DNAH6: variants seen among roughly 807,000 people sequenced by gnomAD.
DNAH6 encodes the protein axonemal beta dynein heavy chain 6.
DNAH6 carries 340 observed loss-of-function variants against 491.4 expected under a neutral mutation model. The ratio of observed to expected loss-of-function variants is 0.69; its 90% CI spans 0.63 to 0.76. The LOEUF is 0.76. Among genes scored for constraint, DNAH6 ranks in the 30% least tolerant of loss-of-function variants. The pLI, the probability that DNAH6 is intolerant of heterozygous loss-of-function variation, is 0.00. For missense variants in DNAH6, 4,443 were observed against 4,972.2 expected, an observed-to-expected ratio of 0.89 and a Z score of 3.20; for synonymous variants, 1,603 against 1,686.1, an observed-to-expected ratio of 0.95 and a Z score of 1.21.
At chr2:84,812,266 C>A in intron 72 of DNAH6, 75 bp from the exon 73 acceptor site, 1 of 1,363,214 alleles carries the variant, frequency 7.3e-7, no homozygotes, top group Non-Finnish European at 1.0e-6. Context: ...GCAGCCCCTG[C>A]TGTCATTAAT....
At chr2:84,729,196 T>G (rs1398526818) in intron 61 of DNAH6, among the ~76,000 whole-genome samples, 1 of 152,210 alleles carries the variant, frequency 6.6e-6, no homozygotes, top group Non-Finnish European at 1.5e-5. Flanking sequence ...GCTATGTGTT[T>G]TATATATATC....
chr2:84,706,564 A>C (rs776877426), intron 52 of DNAH6, among the ~76,000 whole-genome samples: 11 of 152,354 alleles, frequency 7.2e-5, no homozygotes, highest in Admixed American at 1.3e-4. Context: ...AGGAAATATT[A>C]GTTTCCACTA....
chr2:84,510,334 A>G, the DNAH6 span, among the ~76,000 whole-genome samples: 1 of 152,124 alleles, frequency 6.6e-6, no homozygotes, highest in Non-Finnish European at 1.5e-5. Flanking sequence ...TTGATCTTCC[A>G]TCACTGATAC....
At chr2:84,627,131 A>G (rs1687953873) in intron 29 of DNAH6, among the ~76,000 whole-genome samples, 1 of 152,168 alleles carries the variant, frequency 6.6e-6, no homozygotes, top group Non-Finnish European at 1.5e-5. Context: ...GGAAATGCAA[A>G]TTATAAAGCC....
At chr2:84,466,549 G>A in the DNAH6 span, among the ~76,000 whole-genome samples, 1 of 152,098 alleles carries the variant, frequency 6.6e-6, no homozygotes, top group Non-Finnish European at 1.5e-5. Context: ...CAAAACAAAG[G>A]ATCAGCAATA....
At chr2:84,630,316 G>T (rs1405790653) in intron 29 of DNAH6, among the ~76,000 whole-genome samples, 1 of 152,090 alleles carries the variant, frequency 6.6e-6, no homozygotes, top group Non-Finnish European at 1.5e-5. Flanking sequence ...GTAATCCATC[G>T]ATCACAACTT....
chr2:84,803,715 T>A (rs1679151196), intron 70 of DNAH6, among the ~76,000 whole-genome samples: 3 of 152,162 alleles, frequency 2.0e-5, no homozygotes, highest in African/African-American at 7.2e-5. Context: ...AACATTTGTT[T>A]AAGTAATAAT....
At chr2:84,682,925 C>T (rs1431815303) in intron 42 of DNAH6, among the ~76,000 whole-genome samples, 1 of 152,158 alleles carries the variant, frequency 6.6e-6, no homozygotes, top group Non-Finnish European at 1.5e-5. Flanking sequence ...TGTTGAGTCT[C>T]TGTGTGATCT....
rs959267591 is a variant in DNAH6, at chr2:84,814,048, T to C, written c.12076T>C (p.Tyr4026His). 29 of 1,551,604 alleles carry C rather than the reference T, an allele frequency of 1.9e-5. No individual in the cohort carries two copies. Among genetic ancestry groups the C allele is most frequent in the East Asian group, 1.7e-4 (7 of 40,936 alleles). Residue 4026 changes from tyrosine to histidine, a missense_variant, in exon 75 of 77, where the codon TAT (tyrosine) becomes CAT (histidine). Tyr to His is a moderately conservative substitution (Grantham distance 83, BLOSUM62 2). Transcript: ENST00000389394. ...TTTCAAATACAGCGTAATTCCCACC[T>C]ATCGGGATCAAGCTGCAGTGATAGA... ...LSFKYSVIPT[Y>H]RDQAAVIEAA...
chr2:84,464,552 C>T, the DNAH6 span, among the ~76,000 whole-genome samples: 1 of 152,336 alleles, frequency 6.6e-6, no homozygotes, highest in Non-Finnish European at 1.5e-5. Context: ...ACTCCATAAA[C>T]ACAGCAGCCC....
the DNAH6 span, among the ~76,000 whole-genome samples, chr2:84,503,597 C>T: frequency 2.0e-5 from 3 of 151,914 alleles, no homozygotes; most frequent in African/African-American, 4.8e-5. Context: ...TGAAATCCCT[C>T]GGCTTTCATT....
At chr2:84,571,600 G>C (rs997505453) in intron 11 of DNAH6, among the ~76,000 whole-genome samples, 1 of 152,170 alleles carries the variant, frequency 6.6e-6, no homozygotes, top group East Asian at 1.9e-4. Context: ...GGCAAAGAAA[G>C]ATTGAGATAT....
chr2:84,648,126 A>G (rs932420184), intron 33 of DNAH6, among the ~76,000 whole-genome samples: 3 of 152,264 alleles, frequency 2.0e-5, no homozygotes, highest in Non-Finnish European at 4.4e-5. Context: ...TTAAATGAGC[A>G]CTGGCAGCAA....
At chr2:84,641,779 T>G (rs2104505999) in intron 32 of DNAH6, among the ~76,000 whole-genome samples, 168 bp from the exon 33 acceptor site, 1 of 152,290 alleles carries the variant, frequency 6.6e-6, no homozygotes, top group African/African-American at 2.4e-5. Context: ...ATTGCAGGAC[T>G]TGTCAGTATG....
At chr2:84,799,091 A>T (rs1245476789) in intron 70 of DNAH6, among the ~76,000 whole-genome samples, 1 of 150,714 alleles carries the variant, frequency 6.6e-6, no homozygotes, top group Non-Finnish European at 1.5e-5. Context: ...AGGTTTGAGC[A>T]GTTCTCCTGC....
chr2:84,780,776 A>C (rs943597541), intron 64 of DNAH6, among the ~76,000 whole-genome samples: 1 of 139,022 alleles, frequency 7.2e-6, no homozygotes. Flanking sequence ...CATTTCGTTG[A>C]GGCTTTTTTT....
intron 59 of DNAH6, among the ~76,000 whole-genome samples, chr2:84,721,191 G>A (rs1216041844): frequency 6.6e-6 from 1 of 152,136 alleles, no homozygotes; most frequent in Non-Finnish European, 1.5e-5. Context: ...AGTGCCTTGT[G>A]CTCCCTAAGA....
In DNAH6 at chr2:84,654,896, T is replaced by C; in HGVS notation, c.5757+114T>C. 3 of 1,118,072 alleles carry C rather than the reference T, an allele frequency of 2.7e-6. No homozygotes were observed. In the Admixed American group the frequency reaches 7.1e-5, roughly 27 times the overall value. 69.3% of individuals were successfully genotyped at this position (1,118,072 alleles called of 1,614,324 possible). A position where few individuals can be genotyped will look rare whatever the true frequency, so the allele number is the denominator to read the frequency against. On this transcript the variant is annotated intron_variant, in intron 35 of 76. Transcript: ENST00000389394. ...ATGGTTCTTGATTGAGGGGACTTCA[T>C]TATTTTACCTAGTCCTCCCTGTGAA...
At chr2:84,662,034 G>T (rs1403759594) in intron 37 of DNAH6, among the ~76,000 whole-genome samples, 1 of 151,920 alleles carries the variant, frequency 6.6e-6, no homozygotes, top group Admixed American at 6.6e-5. Flanking sequence ...TGGTTATATT[G>T]ATATTTACAT....
Sources: gnomAD v4.1 joint callset for allele counts (sites outside exome capture counted in the v4.1 genomes callset) on GRCh38, gnomAD v4.1.1 for gene constraint, MANE v1.5 for transcripts, NCBI Gene and HGNC (gene_info 2026-07-23, HGNC 2026-07-21) for gene names.